Variants in EPB41L4A observed in about 807,000 individuals in gnomAD.
EPB41L4A encodes erythrocyte membrane protein band 4.1 like 4A.
A neutral mutation model predicts 108.6 loss-of-function variants in EPB41L4A; 100 were observed. That is an observed-to-expected ratio of 0.92 (90% CI 0.78 to 1.09). The LOEUF is 1.09. Ranked by LOEUF, EPB41L4A falls within the 50% of genes least tolerant of loss-of-function variation. EPB41L4A has a pLI of 0.00. For missense variants in EPB41L4A, 1,030 were observed against 842.7 expected (o/e 1.22, Z -2.75); for synonymous variants, 319 against 289.0 (o/e 1.10, Z -1.05).
At chr5:112,268,569 T>C (rs977497118) in intron 4 of EPB41L4A, among the ~76,000 whole-genome samples, 1 of 151,982 alleles carries the variant, frequency 6.6e-6, no homozygotes, top group Non-Finnish European at 1.5e-5. Context: ...CTATTAAGAC[T>C]TTGTGCACAG....
intron 1 of EPB41L4A, among the ~76,000 whole-genome samples, chr5:112,347,536 T>C (rs1192918114): frequency 6.6e-6 from 1 of 152,174 alleles, no homozygotes; most frequent in African/African-American, 2.4e-5. Flanking sequence ...AGCCACAACA[T>C]GGACTCACCT....
chr5:112,183,126 G>A (rs983247232), intron 18 of EPB41L4A, among the ~76,000 whole-genome samples: 1 of 152,032 alleles, frequency 6.6e-6, no homozygotes, highest in Non-Finnish European at 1.5e-5. Context: ...ACACTCCAGA[G>A]TTCTTTCCTA....
chr5:112,380,232 T>G (rs1371075258), intron 1 of EPB41L4A, among the ~76,000 whole-genome samples: 1 of 152,024 alleles, frequency 6.6e-6, no homozygotes, highest in African/African-American at 2.4e-5. Context: ...CTAGTCAGAT[T>G]TAGAAGGAAC....
chr5:112,419,622 T>G, upstream of EPB41L4A: 1 of 455,564 alleles, frequency 2.2e-6, no homozygotes, highest in South Asian at 1.6e-5. Context: ...TTTTCTTTTG[T>G]GTGAGGAGCA....
intron 2 of EPB41L4A, among the ~76,000 whole-genome samples, chr5:112,283,798 T>G (rs1161689147): frequency 2.0e-5 from 3 of 152,102 alleles, no homozygotes; most frequent in Non-Finnish European, 4.4e-5. Context: ...AGCCATGTAA[T>G]TACAATACAA....
intron 1 of EPB41L4A, among the ~76,000 whole-genome samples, chr5:112,339,505 T>G (rs13190390): frequency 0.018 from 746 of 40,716 alleles, 8 homozygotes; most frequent in South Asian, 0.049. Context: ...TCTATATATA[T>G]ATATAGATAT....
chr5:112,315,878 C>A (rs2090192423), intron 1 of EPB41L4A, among the ~76,000 whole-genome samples: 1 of 151,972 alleles, frequency 6.6e-6, no homozygotes. Flanking sequence ...AAGGGAGCAC[C>A]TGATTTTTTA....
chr5:112,315,308 C>T (rs1755360435), intron 1 of EPB41L4A, among the ~76,000 whole-genome samples: 1 of 152,212 alleles, frequency 6.6e-6, no homozygotes, highest in Admixed American at 6.5e-5. Flanking sequence ...CTTCTGTTAA[C>T]TTTCCTACTT....
intron 1 of EPB41L4A, among the ~76,000 whole-genome samples, chr5:112,388,634 C>A (rs1484780432): frequency 6.6e-6 from 1 of 152,190 alleles, no homozygotes; most frequent in Non-Finnish European, 1.5e-5. Context: ...GCTGCCTTGA[C>A]ACAAGACACT....
intron 22 of EPB41L4A, among the ~76,000 whole-genome samples, chr5:112,167,131 A>AAAG (rs1322081499): frequency 6.6e-6 from 1 of 151,794 alleles, no homozygotes; most frequent in East Asian, 1.9e-4. Flanking sequence ...GACAAAAAAA[A>AAAG]AAAAAAAAAC....
intron 1 of EPB41L4A, among the ~76,000 whole-genome samples, chr5:112,346,396 G>A (rs1016757055): frequency 6.6e-6 from 1 of 151,354 alleles, no homozygotes; most frequent in African/African-American, 2.4e-5. Context: ...GCTAATTTTT[G>A]TATTTTTAGT....
chr5:112,180,658 A>T (rs1231536192), intron 18 of EPB41L4A, among the ~76,000 whole-genome samples: 1 of 18,652 alleles, frequency 5.4e-5, no homozygotes, highest in African/African-American at 1.1e-4. Context: ...CCTTAAGATT[A>T]AAAAAAAAAA....
At chr5:112,265,096 G>C (rs543130046) in intron 5 of EPB41L4A, 80 bp from the exon 6 acceptor site, 1 of 1,229,452 alleles carries the variant, frequency 8.1e-7, no homozygotes, top group African/African-American at 1.5e-5. Context: ...TTCCTAACAT[G>C]CTTAAACATT....
intron 9 of EPB41L4A, among the ~76,000 whole-genome samples, chr5:112,254,070 C>T (rs1750890850): frequency 6.6e-6 from 1 of 152,142 alleles, no homozygotes; most frequent in Non-Finnish European, 1.5e-5. Flanking sequence ...CATCCTGTCA[C>T]ACGGGGTAAC....
intron 1 of EPB41L4A, among the ~76,000 whole-genome samples, chr5:112,356,809 G>C (rs1233384479): frequency 6.6e-6 from 1 of 152,154 alleles, no homozygotes; most frequent in African/African-American, 2.4e-5. Flanking sequence ...AAAATCAAAG[G>C]CTGCAACCTC....
chr5:112,148,131 T>C (rs994075215), intron 12 of EPB41L4A, among the ~76,000 whole-genome samples: 10 of 148,068 alleles, frequency 6.8e-5, no homozygotes, highest in Non-Finnish European at 1.5e-4. Flanking sequence ...AATAATATAA[T>C]AGTATTACTA....
At chr5:112,380,944 A>G (rs547674687) in intron 1 of EPB41L4A, among the ~76,000 whole-genome samples, 2 of 152,272 alleles carry the variant, frequency 1.3e-5, no homozygotes, top group Admixed American at 6.5e-5. Context: ...GCAGGCCAGT[A>G]TATGTCAACA....
chr5:112,202,869 T>C (rs941577618), intron 15 of EPB41L4A, among the ~76,000 whole-genome samples: 4 of 152,094 alleles, frequency 2.6e-5, no homozygotes, highest in Admixed American at 6.6e-5. Context: ...AGAGTCTTGA[T>C]GGTTACCTGA....
intron 9 of EPB41L4A, among the ~76,000 whole-genome samples, chr5:112,254,372 T>C (rs1175077376): frequency 6.6e-6 from 1 of 152,126 alleles, no homozygotes; most frequent in Non-Finnish European, 1.5e-5. Context: ...AGTCCCCTCT[T>C]GTCTCCCCTT....
Sources: gnomAD v4.1 joint callset for allele counts (sites outside exome capture counted in the v4.1 genomes callset) on GRCh38, gnomAD v4.1.1 for gene constraint, MANE v1.5 for transcripts, NCBI Gene and HGNC (gene_info 2026-07-23, HGNC 2026-07-21) for gene names.